The following VCL variants were observed in gnomAD, a reference collection of about 807,000 sequenced individuals.
The protein encoded by VCL is epididymis luminal protein 114.
A neutral mutation model predicts 125.7 loss-of-function variants in VCL; 47 were observed. The observed-to-expected ratio is 0.37, with a 90% CI of 0.30 to 0.48. VCL has a LOEUF of 0.48. Among genes scored for constraint, VCL ranks in the 20% least tolerant of loss-of-function variants. The probability of loss-of-function intolerance (pLI) is 0.99; values close to 1 mark genes in which losing one functional copy is unlikely to be tolerated. For missense variants in VCL, 1,069 were observed against 1,455.5 expected (o/e 0.73, Z 4.32); for synonymous variants, 458 against 514.6 (o/e 0.89, Z 1.49).
chr10:74,017,377 A>G (rs1351124319), intron 1 of VCL, among the ~76,000 whole-genome samples: 1 of 152,072 alleles, frequency 6.6e-6, no homozygotes, highest in African/African-American at 2.4e-5. Context: ...ATTATATTCC[A>G]TTGTATGTGC....
chr10:74,082,695 T>G, intron 7 of VCL, 151 bp downstream of exon 7: 1 of 832,772 alleles, frequency 1.2e-6, no homozygotes, highest in Non-Finnish European at 2.0e-6. Context: ...TCTGAGTAAC[T>G]GAAGCAAGTA....
chr10:74,056,987 C>G (rs1292530707), intron 2 of VCL, among the ~76,000 whole-genome samples: 1 of 152,018 alleles, frequency 6.6e-6, no homozygotes, highest in Non-Finnish European at 1.5e-5. Context: ...GTCTCCCAGG[C>G]TGGATAGAGT....
At chr10:74,053,521 ATTC>A (rs1368847773) in intron 2 of VCL, among the ~76,000 whole-genome samples, 3 of 152,032 alleles carry the variant, frequency 2.0e-5, no homozygotes, top group Non-Finnish European at 4.4e-5. Context: ...ATTTCATTAA[ATTC>A]TTTTCTCATA....
chr10:74,082,614 A>C, intron 7 of VCL, 70 bp downstream of exon 7: 4 of 1,509,498 alleles, frequency 2.6e-6, no homozygotes, highest in Non-Finnish European at 3.7e-6. Flanking sequence ...GAAAGAAAGA[A>C]ATTTTCCCAT....
intron 1 of VCL, among the ~76,000 whole-genome samples, chr10:74,014,152 C>T (rs916073044): frequency 2.0e-5 from 3 of 151,992 alleles, no homozygotes; most frequent in Non-Finnish European, 4.4e-5. Flanking sequence ...ATATATTTTC[C>T]AATTTGAAGC....
Position 74,043,099 on chromosome 10 carries a change from T to C in VCL, c.185T>C (p.Val62Ala), listed in dbSNP as rs769799445. The change falls in exon 2 of 22, where the codon GTT becomes GCT. Residue 62 changes from valine to alanine, a missense_variant. By Grantham distance (64) the Val-to-Ala change is moderately conservative. Coordinates refer to ENST00000211998, the MANE Select transcript of VCL (RefSeq NM_014000.3). The stretch of plus-strand genomic sequence containing the variant: ...CTCTTGTAGGTTGGAAAAGAGACTG[T>C]TCAAACCACTGAGGATCAGATTTTG... ...SNLVRVGKET[V>A]QTTEDQILKR... 24 of 1,613,474 alleles carry C rather than the reference T, an allele frequency of 1.5e-5. 2 individuals carry two copies. In the Admixed American group the frequency reaches 1.8e-4, roughly 12 times the overall value.
At chr10:74,113,452 G>A (rs535678187) in intron 19 of VCL, among the ~76,000 whole-genome samples, 1 of 152,274 alleles carries the variant, frequency 6.6e-6, no homozygotes, top group East Asian at 1.9e-4. Flanking sequence ...ACTTAGCTGA[G>A]GGGACTGAAG....
chr10:74,083,755 G>A (rs1032320892), intron 8 of VCL, among the ~76,000 whole-genome samples: 2 of 152,088 alleles, frequency 1.3e-5, no homozygotes, highest in Non-Finnish European at 2.9e-5. Context: ...GCGGTGGTGC[G>A]ATCTTGGCTC....
intron 3 of VCL, 26 bp downstream of exon 3, chr10:74,070,846 A>G: frequency 6.2e-7 from 1 of 1,613,672 alleles, no homozygotes; most frequent in Non-Finnish European, 8.5e-7. Flanking sequence ...CAAAAAGCCT[A>G]CTCTTGAAGA....
intron 1 of VCL, among the ~76,000 whole-genome samples, chr10:74,014,136 G>GTA (rs1448432747): frequency 6.6e-6 from 1 of 152,204 alleles, no homozygotes. Flanking sequence ...GAGGGAAAAA[G>GTA]TATATATATA....
At chr10:74,056,471 T>A (rs988590865) in intron 2 of VCL, among the ~76,000 whole-genome samples, 7 of 152,126 alleles carry the variant, frequency 4.6e-5, no homozygotes, top group African/African-American at 1.7e-4. Flanking sequence ...AGAAGTCCAC[T>A]TTGCATTATG....
At chr10:74,005,733 G>GTT (rs1358283881) in intron 1 of VCL, among the ~76,000 whole-genome samples, 2 of 152,020 alleles carry the variant, frequency 1.3e-5, no homozygotes, top group Non-Finnish European at 2.9e-5. Flanking sequence ...AAGTGGCATG[G>GTT]TATTTGCATA....
Position 74,087,456 on chromosome 10 carries a change from C to G in VCL, c.1023-1740C>G, listed in dbSNP as rs567701679. 2.7e-5 allele frequency among the ~76,000 whole-genome samples: 4 copies of G among 148,728 alleles called. No homozygotes were observed. The East Asian group carries it at 7.9e-4, about 29-fold the overall frequency. Reference sequence around the variant, plus strand: ...TGCCTCCCGGGTTCACACCATTCTCCTGCCTCAGCCTACCGAGTAGCTGGG... The same window carrying G: ...TGCCTCCCGGGTTCACACCATTCTCGTGCCTCAGCCTACCGAGTAGCTGGG... On this transcript the variant is annotated intron_variant, in intron 8 of 21. Transcript: ENST00000211998.
chr10:74,025,762 A>G (rs1840760505), intron 1 of VCL, among the ~76,000 whole-genome samples: 1 of 151,934 alleles, frequency 6.6e-6, no homozygotes, highest in Non-Finnish European at 1.5e-5. Flanking sequence ...TGCTGAGATC[A>G]TCATTACTAT....
In VCL at chr10:74,118,223, G is replaced by C; in HGVS notation, c.*54G>C. ...AACCTCTACTAAAAAGAAGGAAAAT[G>C]ATCTGAGTCCCAGGAGCTGCCCAGA... On this transcript the variant is annotated 3_prime_UTR_variant, in exon 22 of 22. Coordinates refer to ENST00000211998, the MANE Select transcript of VCL (RefSeq NM_014000.3). 6.2e-7 allele frequency: 1 copy of C among 1,610,946 alleles called. No individual in the cohort carries two copies. Among genetic ancestry groups the C allele is most frequent in the Non-Finnish European group, 8.5e-7 (1 of 1,178,714 alleles).
At chr10:74,091,831 A>C (rs1030372825) in intron 10 of VCL, among the ~76,000 whole-genome samples, 8 of 151,190 alleles carry the variant, frequency 5.3e-5, no homozygotes, top group Non-Finnish European at 8.8e-5. Flanking sequence ...AAAAGAAAAA[A>C]AAGAGAGAGA....
rs1382721242 is a variant in VCL at position 74,009,227 on chromosome 10, C to G, written c.168+10852C>G. On this transcript the variant is annotated intron_variant, in intron 1 of 21. Coordinates refer to ENST00000211998, the MANE Select transcript of VCL (RefSeq NM_014000.3). ...GGTGGCTGCTGCTTTCCCCCCCCCC[C>G]CCCGAGCCATTTTAGTATTTAATTC... 3.2e-4 allele frequency among the ~76,000 whole-genome samples: 41 copies of G among 129,380 alleles called. 1 individual carries two copies. The highest frequency in any genetic ancestry group is 2.3e-3 in the East Asian group (11 of 4,688). The allele number at this position is 129,380 out of a possible 152,430, so 84.9% of individuals were successfully genotyped here. A position where few individuals can be genotyped will look rare whatever the true frequency, so the allele number is the denominator to read the frequency against.
chr10:74,002,270 CA>C (rs1840240290), intron 1 of VCL, among the ~76,000 whole-genome samples: 1 of 152,176 alleles, frequency 6.6e-6, no homozygotes, highest in South Asian at 2.1e-4. Flanking sequence ...GGATTACAGG[CA>C]TGTGCCACCA....
chr10:74,118,003 A>C lies in VCL; in HGVS notation c.3259-20A>C. The C allele has an allele frequency of 6.2e-7, 1 of 1,613,728 alleles. No homozygotes were observed. The highest frequency in any genetic ancestry group is 8.5e-7 in the Non-Finnish European group (1 of 1,180,010). On this transcript the variant is annotated intron_variant, in intron 21 of 21. Coordinates refer to ENST00000211998, the MANE Select transcript of VCL (RefSeq NM_014000.3). ...TGCATCAGGGACCCTGGGTAACGGAAAGTACCTTTTTCCTTGCAGGCCACA... is the reference window on the plus strand; with the variant it reads ...TGCATCAGGGACCCTGGGTAACGGACAGTACCTTTTTCCTTGCAGGCCACA...
Sources: allele counts gnomAD v4.1 joint callset (sites outside exome capture counted in the v4.1 genomes callset), GRCh38; gene constraint gnomAD v4.1.1; transcripts MANE v1.5; gene names NCBI Gene and HGNC (gene_info 2026-07-23, HGNC 2026-07-21).